Variants in NWD2 observed in about 807,000 individuals in gnomAD.
NWD2 encodes NACHT and WD repeat domain containing 2, also known as NACHT and WD repeat domain-containing protein 2.
NWD2 carries 37 observed loss-of-function variants against 132.7 expected under a neutral mutation model. The ratio of observed to expected loss-of-function variants is 0.28; its 90% CI spans 0.21 to 0.37. NWD2 has a LOEUF of 0.37. Ranked by LOEUF, NWD2 falls within the 10% of genes least tolerant of loss-of-function variation. The probability of loss-of-function intolerance (pLI) is 1.00; values close to 1 mark genes in which losing one functional copy is unlikely to be tolerated. For synonymous variants in NWD2, 705 were observed against 803.0 expected (o/e 0.88, Z 2.06); for missense variants, 1,592 against 2,122.4 (o/e 0.75, Z 4.91).
intron 1 of NWD2, among the ~76,000 whole-genome samples, chr4:37,321,820 T>C (rs1015867235): frequency 9.2e-5 from 14 of 152,210 alleles, no homozygotes; most frequent in African/African-American, 3.4e-4. Context: ...TAAGTCAATT[T>C]TTAATATAAA....
At position 37,391,431 on chromosome 4, in the gene NWD2, C is replaced by T. The variant is rs530711532; in HGVS notation, c.357+34949C>T. Among the ~76,000 whole-genome samples the T allele has an allele frequency of 7.2e-5, 11 of 152,076 alleles. No homozygotes were observed. In the South Asian group the frequency reaches 1.5e-3, roughly 20 times the overall value. ...GAAGGAGTGGGTGTATTTTGGTCAG[C>T]GGAAGCTTCCAAAAGATGCTTTTTG... On this transcript the variant is annotated intron_variant, in intron 3 of 6. Coordinates refer to ENST00000309447, the MANE Select transcript of NWD2 (RefSeq NM_001144990.2).
chr4:37,295,746 T>C (rs1262150322), intron 1 of NWD2, among the ~76,000 whole-genome samples: 4 of 152,198 alleles, frequency 2.6e-5, no homozygotes, highest in African/African-American at 9.6e-5. Flanking sequence ...CTTCCCAACC[T>C]ATAATATCTT....
intron 3 of NWD2, among the ~76,000 whole-genome samples, chr4:37,409,104 C>G (rs1418186389): frequency 2.0e-5 from 3 of 152,054 alleles, no homozygotes; most frequent in Admixed American, 1.3e-4. Flanking sequence ...CTCTTCTCCT[C>G]CAAAGGATCA....
intron 1 of NWD2, among the ~76,000 whole-genome samples, chr4:37,249,728 C>T (rs1404317815): frequency 6.6e-6 from 1 of 152,182 alleles, no homozygotes; most frequent in African/African-American, 2.4e-5. Context: ...TTTCTGTCCA[C>T]TCAGATTTCT....
intron 2 of NWD2, among the ~76,000 whole-genome samples, chr4:37,335,025 T>C (rs902355236): frequency 3.3e-5 from 5 of 152,120 alleles, no homozygotes; most frequent in Non-Finnish European, 7.4e-5. Context: ...TACCAAACTC[T>C]TAATCTACTT....
chr4:37,245,241 C>T (rs1427561788), intron 1 of NWD2, 23 bp downstream of exon 1: 1 of 1,517,676 alleles, frequency 6.6e-7, no homozygotes, highest in East Asian at 2.5e-5. Flanking sequence ...CTCGGGTTTG[C>T]CCGTCCGTCC....
At chr4:37,318,545 C>T (rs1257976802) in intron 1 of NWD2, among the ~76,000 whole-genome samples, 1 of 152,114 alleles carries the variant, frequency 6.6e-6, no homozygotes, top group Admixed American at 6.5e-5. Context: ...CACCCTAGTA[C>T]TGATCACAGT....
chr4:37,404,860 A>G (rs1169284957), intron 3 of NWD2, among the ~76,000 whole-genome samples: 1 of 152,154 alleles, frequency 6.6e-6, no homozygotes, highest in Non-Finnish European at 1.5e-5. Flanking sequence ...CTTATAAACA[A>G]CCAGATCTGG....
chr4:37,422,792 A>G (rs1475465151), intron 3 of NWD2, among the ~76,000 whole-genome samples: 1 of 152,198 alleles, frequency 6.6e-6, no homozygotes, highest in East Asian at 1.9e-4. Flanking sequence ...ACTCAGAGAG[A>G]CAAAACAATC....
At chr4:37,281,759 A>C (rs1718134732) in intron 1 of NWD2, among the ~76,000 whole-genome samples, 1 of 152,202 alleles carries the variant, frequency 6.6e-6, no homozygotes, top group East Asian at 1.9e-4. Flanking sequence ...TGGTGAGATC[A>C]ATATAAAGAA....
intron 3 of NWD2, among the ~76,000 whole-genome samples, chr4:37,357,416 C>G (rs924337263): frequency 6.6e-6 from 1 of 152,166 alleles, no homozygotes; most frequent in African/African-American, 2.4e-5. Flanking sequence ...ACAAATCTGA[C>G]CAGCTGATGG....
chr4:37,417,628 A>G (rs561309784), intron 3 of NWD2, among the ~76,000 whole-genome samples: 1 of 152,330 alleles, frequency 6.6e-6, no homozygotes, highest in East Asian at 1.9e-4. Flanking sequence ...TGAAGCCAAA[A>G]GGAACTGTAA....
In NWD2 at chr4:37,446,642, G is replaced by A; in HGVS notation, c.4654G>A (p.Asp1552Asn). ...GGGAGATGAAAACATCAATGTGCTA[G>A]ATTTATACAGTGGTAAATTGCGGGT... Reference protein sequence around the residue: ...ARGDENINVLDLYSGKLRVVH... With the variant: ...ARGDENINVLNLYSGKLRVVH... The change falls in exon 7 of 7, where the codon GAT becomes AAT. Residue 1552 changes from aspartate (D) to asparagine (N), a missense_variant. By Grantham distance (23) the Asp-to-Asn change is conservative. This residue lies in a region of NWD2 where 257 missense variants were observed against 335.0 expected (regional missense o/e 0.77). Coordinates refer to ENST00000309447, the MANE Select transcript of NWD2 (RefSeq NM_001144990.2). This position sits in a 1 kb window ranked among gnomAD's most constrained non-coding sequence, Gnocchi z 6.7. 1.3e-6 allele frequency: 2 copies of A among 1,551,532 alleles called. No homozygotes were observed. The highest frequency in any genetic ancestry group is 1.7e-6 in the Non-Finnish European group (2 of 1,146,986).
chr4:37,359,610 A>G lies in NWD2; in HGVS notation c.357+3128A>G, dbSNP rs111954307. 2.3e-3 allele frequency among the ~76,000 whole-genome samples: 351 copies of G among 152,188 alleles called. 3 individuals are homozygous for G. Among genetic ancestry groups the G allele is most frequent in the African/African-American group, 8.2e-3 (340 of 41,504 alleles). On this transcript the variant is annotated intron_variant, in intron 3 of 6. Coordinates refer to ENST00000309447, the MANE Select transcript of NWD2 (RefSeq NM_001144990.2). ...CACCACTGCTGAATGAAAAAAAAAA[A>G]AGTTTTTATATCTTCAAAGGCTTCA...
chr4:37,303,246 A>G (rs191012253), intron 1 of NWD2, among the ~76,000 whole-genome samples: 1 of 152,282 alleles, frequency 6.6e-6, no homozygotes, highest in East Asian at 1.9e-4. Context: ...CTTTGTTGAG[A>G]AACAGTTGTC....
At position 37,341,475 on chromosome 4, in the gene NWD2, C is replaced by T. The variant is rs60481162; in HGVS notation, c.241-14891C>T. On this transcript the variant is annotated intron_variant, in intron 2 of 6. Transcript: ENST00000309447. The stretch of plus-strand genomic sequence containing the variant: ...TAATTATACATGTTGTACATGTACA[C>T]GTGTGTGAGTGCATGTATGTATAGC... Among the ~76,000 whole-genome samples the T allele has an allele frequency of 7.9e-5, 12 of 152,148 alleles. No homozygotes were observed. The East Asian group carries it at 1.5e-3, about 20-fold the overall frequency.
At chr4:37,388,476 GC>G (rs1720614042) in intron 3 of NWD2, among the ~76,000 whole-genome samples, 3 of 151,938 alleles carry the variant, frequency 2.0e-5, no homozygotes, top group Non-Finnish European at 2.9e-5. Context: ...GAGCCACCAC[GC>G]CTAGCCGACA....
Position 37,444,905 on chromosome 4 carries a change from A to T in NWD2, c.2917A>T (p.Ile973Phe), listed in dbSNP as rs1352166151. 2.6e-6 allele frequency: 4 copies of T among 1,552,146 alleles called. No homozygotes were observed. Among genetic ancestry groups the T allele is most frequent in the Non-Finnish European group, 3.5e-6 (4 of 1,147,144 alleles). The part of the protein sequence containing the change: ...LSSSHLHVTE[I>F]LPTCNPSTVL... The stretch of plus-strand genomic sequence containing the variant: ...ATCCAGTCACCTGCATGTCACAGAG[A>T]TCCTGCCTACCTGTAACCCCAGCAC... Residue 973 changes from isoleucine to phenylalanine, a missense_variant, in exon 7 of 7, where the codon ATC (isoleucine) becomes TTC (phenylalanine). Transcript: ENST00000309447. This position sits in a 1 kb window ranked among gnomAD's most constrained non-coding sequence, Gnocchi z 4.8.
At chr4:37,260,405 T>C (rs1301369348) in intron 1 of NWD2, among the ~76,000 whole-genome samples, 1 of 152,112 alleles carries the variant, frequency 6.6e-6, no homozygotes, top group Admixed American at 6.5e-5. Flanking sequence ...TCCCCAACAG[T>C]GTTATTTGGG....
Sources: allele counts gnomAD v4.1 joint callset (sites outside exome capture counted in the v4.1 genomes callset), GRCh38; gene constraint gnomAD v4.1.1; regional missense constraint gnomAD v4.1.1; non-coding constraint Gnocchi (gnomAD v3.1); transcripts MANE v1.5; gene names NCBI Gene and HGNC (gene_info 2026-07-23, HGNC 2026-07-21).